The following RABGAP1L variants were observed in gnomAD, a reference collection of about 807,000 sequenced individuals.
RABGAP1L encodes rab GTPase-activating protein 1-like.
RABGAP1L carries 63 observed loss-of-function variants against 137.7 expected under a neutral mutation model. That is an observed-to-expected ratio of 0.46 (90% confidence interval 0.37 to 0.56). The LOEUF (loss-of-function observed/expected upper bound fraction) is 0.56. Among genes scored for constraint, RABGAP1L ranks in the 20% least tolerant of loss-of-function variants. The pLI, the probability that RABGAP1L is intolerant of heterozygous loss-of-function variation, is 0.00. For synonymous variants in RABGAP1L, 431 were observed against 433.7 expected (o/e 0.99, Z 0.08); for missense variants, 1,095 against 1,244.0 (o/e 0.88, Z 1.80).
chr1:174,403,208 A>AGTGTGTGTGTGT (rs201238291), intron 13 of RABGAP1L, among the ~76,000 whole-genome samples: 43 of 126,728 alleles, frequency 3.4e-4, no homozygotes, highest in East Asian at 1.5e-3. Context: ...TATATATGAG[A>AGTGTGTGTGTGT]GTGTGTGTGT....
Position 174,394,044 on chromosome 1 carries a change from A to G in RABGAP1L, c.1609A>G (p.Ser537Gly). ...RPKGLSTLVKSGVPEALRAEV... is the reference protein window; with the variant it reads ...RPKGLSTLVKGGVPEALRAEV... ...GAAAGGGCTGTCTACTCTGGTGAAGAGTGGTGTCCCTGAAGCATTGAGGGC... is the reference window on the plus strand; with the variant it reads ...GAAAGGGCTGTCTACTCTGGTGAAGGGTGGTGTCCCTGAAGCATTGAGGGC... Residue 537 changes from serine (S) to glycine (G), a missense_variant, in exon 13 of 26, where the codon AGT becomes GGT. Ser to Gly is a moderately conservative substitution (Grantham distance 56). Coordinates refer to ENST00000681986, the MANE Select transcript of RABGAP1L (RefSeq NM_001366446.1). 2 of 1,613,882 alleles carry G rather than the reference A, an allele frequency of 1.2e-6. No homozygotes were observed. Among genetic ancestry groups the G allele is most frequent in the African/African-American group, 1.3e-5 (1 of 75,040 alleles).
At chr1:174,989,311 A>T (rs931478056) in intron 25 of RABGAP1L, among the ~76,000 whole-genome samples, 1 of 152,180 alleles carries the variant, frequency 6.6e-6, no homozygotes, top group Admixed American at 6.5e-5. Context: ...CGCATAATAT[A>T]ATTAGAAATA....
At chr1:174,607,659 C>T (rs1265031921) in intron 13 of RABGAP1L, among the ~76,000 whole-genome samples, 1 of 152,254 alleles carries the variant, frequency 6.6e-6, no homozygotes, top group East Asian at 1.9e-4. Flanking sequence ...AGGGCTGTAT[C>T]ACTTACATTA....
intron 18 of RABGAP1L, among the ~76,000 whole-genome samples, chr1:174,805,409 A>G (rs1573284388): frequency 1.3e-5 from 2 of 152,266 alleles, no homozygotes; most frequent in African/African-American, 4.8e-5. Context: ...CATGGTTCAT[A>G]TTATTTAAAA....
rs138873669 is a variant in RABGAP1L, at chr1:174,699,428, G to T, written c.1900-97G>T. 1.3e-4 allele frequency: 149 copies of T among 1,132,296 alleles called. 1 individual carries two copies. The African/African-American group carries it at 2.0e-3, about 15-fold the overall frequency. 70.1% of individuals were successfully genotyped at this position (1,132,296 alleles called of 1,614,324 possible). On this transcript the variant is annotated intron_variant, in intron 15 of 25. Coordinates refer to ENST00000681986, the MANE Select transcript of RABGAP1L (RefSeq NM_001366446.1). Reference sequence around the variant, plus strand: ...GGACTTCATTTGCTCCAGGCCTTCAGCTACTTATGCAGAGGACTAATAACA... The same window carrying T: ...GGACTTCATTTGCTCCAGGCCTTCATCTACTTATGCAGAGGACTAATAACA...
intron 13 of RABGAP1L, among the ~76,000 whole-genome samples, chr1:174,580,941 A>G (rs1282029336): frequency 1.3e-5 from 2 of 152,200 alleles, no homozygotes; most frequent in African/African-American, 4.8e-5. Flanking sequence ...GCTTAACACC[A>G]TTAGTCATCA....
chr1:174,698,260 C>T (rs1679402666), intron 15 of RABGAP1L, among the ~76,000 whole-genome samples: 2 of 152,126 alleles, frequency 1.3e-5, no homozygotes, highest in African/African-American at 4.8e-5. Context: ...AGATATGTCC[C>T]TTTCCATATT....
intron 13 of RABGAP1L, among the ~76,000 whole-genome samples, chr1:174,573,355 C>A (rs1668136906): frequency 6.6e-6 from 1 of 150,934 alleles, no homozygotes; most frequent in Non-Finnish European, 1.5e-5. Context: ...TGTTATTTTC[C>A]AGTGTCAAGA....
chr1:174,383,538 GA>G (rs1345422441), intron 12 of RABGAP1L, among the ~76,000 whole-genome samples: 2 of 152,168 alleles, frequency 1.3e-5, no homozygotes, highest in Non-Finnish European at 2.9e-5. Context: ...ATTCGGGTGG[GA>G]GTGACCCGAT....
chr1:174,287,937 GTGACTTT>G (rs1400308786), intron 10 of RABGAP1L, among the ~76,000 whole-genome samples: 1 of 151,694 alleles, frequency 6.6e-6, no homozygotes, highest in Admixed American at 6.6e-5. Flanking sequence ...TTATAATTTG[GTGACTTT>G]TTGTGATGGC....
rs145698950 is a variant in RABGAP1L at position 174,955,776 on chromosome 1, G to A, written c.2341-1681G>A. Reference sequence around the variant, plus strand: ...AACCAAACAAAAACATTAAGGAAAGGTGTTGCTGTGTAAAGGAATCATAGG... The same window carrying A: ...AACCAAACAAAAACATTAAGGAAAGATGTTGCTGTGTAAAGGAATCATAGG... On this transcript the variant is annotated intron_variant, in intron 19 of 25. Coordinates refer to ENST00000681986, the MANE Select transcript of RABGAP1L (RefSeq NM_001366446.1). Among the ~76,000 whole-genome samples the A allele has an allele frequency of 1.4e-4, 22 of 152,240 alleles. 1 individual carries two copies. Among genetic ancestry groups the A allele is most frequent in the African/African-American group, 5.3e-4 (22 of 41,536 alleles).
chr1:174,947,990 T>C (rs1667143625), intron 19 of RABGAP1L, among the ~76,000 whole-genome samples: 1 of 152,166 alleles, frequency 6.6e-6, no homozygotes, highest in South Asian at 2.1e-4. Flanking sequence ...GTGGTTGTGT[T>C]CTCAGGCCAA....
At chr1:174,268,683 A>G (rs1187387509) in intron 7 of RABGAP1L, among the ~76,000 whole-genome samples, 1 of 152,058 alleles carries the variant, frequency 6.6e-6, no homozygotes, top group African/African-American at 2.4e-5. Flanking sequence ...TTAATACAAC[A>G]TCTGTTTTTC....
intron 7 of RABGAP1L, among the ~76,000 whole-genome samples, chr1:174,268,572 C>T (rs1674279893): frequency 6.6e-6 from 1 of 152,104 alleles, no homozygotes; most frequent in Admixed American, 6.5e-5. Context: ...CTCTCCTTCC[C>T]TACCTTCCAT....
At chr1:174,324,419 CAG>C (rs907959884) in intron 11 of RABGAP1L, among the ~76,000 whole-genome samples, 3 of 151,982 alleles carry the variant, frequency 2.0e-5, no homozygotes, top group African/African-American at 2.4e-5. Flanking sequence ...ATAGGAAACA[CAG>C]GGGGGAGGAA....
At chr1:174,257,824 GAA>G (rs1325941804) in intron 7 of RABGAP1L, among the ~76,000 whole-genome samples, 9 of 152,152 alleles carry the variant, frequency 5.9e-5, no homozygotes, top group African/African-American at 2.2e-4. Context: ...AATTGACACA[GAA>G]GAGTTGTATT....
intron 19 of RABGAP1L, among the ~76,000 whole-genome samples, chr1:174,826,012 T>C (rs1432881195): frequency 6.6e-6 from 1 of 152,168 alleles, no homozygotes; most frequent in African/African-American, 2.4e-5. Context: ...GTGAGCTTGG[T>C]GCGCAACAGG....
intron 8 of RABGAP1L, among the ~76,000 whole-genome samples, chr1:174,273,090 A>G (rs1245577270): frequency 6.6e-6 from 1 of 152,004 alleles, no homozygotes; most frequent in African/African-American, 2.4e-5. Flanking sequence ...TGATTTGGAG[A>G]CGTTATAGGA....
chr1:174,823,780 A>G (rs1172920748), intron 19 of RABGAP1L, among the ~76,000 whole-genome samples: 1 of 152,258 alleles, frequency 6.6e-6, no homozygotes, highest in African/African-American at 2.4e-5. Context: ...TAATCATTAC[A>G]CATAGCATTC....
Sources: allele counts gnomAD v4.1 joint callset (sites outside exome capture counted in the v4.1 genomes callset), GRCh38; gene constraint gnomAD v4.1.1; transcripts MANE v1.5; gene names NCBI Gene and HGNC (gene_info 2026-07-23, HGNC 2026-07-21).